GPC6: variants seen among roughly 807,000 people sequenced by gnomAD.
GPC6 encodes the protein glypican 6.
A neutral mutation model predicts 55.2 loss-of-function variants in GPC6; 14 were observed. That is an observed-to-expected ratio of 0.25 (90% CI 0.17 to 0.40). The LOEUF is 0.40. GPC6 is among the 10% of genes least tolerant of loss of function. The pLI, the probability that GPC6 is intolerant of heterozygous loss-of-function variation, is 1.00. For synonymous variants in GPC6, 278 were observed against 259.6 expected (o/e 1.07, Z -0.68); for missense variants, 641 against 708.5 (o/e 0.90, Z 1.08).
At chr13:94,360,950 G>A (rs570442407) in intron 6 of GPC6, among the ~76,000 whole-genome samples, 34 of 152,308 alleles carry the variant, frequency 2.2e-4, no homozygotes, top group African/African-American at 7.5e-4. Flanking sequence ...GTTCTTGTGA[G>A]GTTGTGGTGA....
At chr13:94,019,349 A>G (rs997302288) in intron 3 of GPC6, among the ~76,000 whole-genome samples, 4 of 152,092 alleles carry the variant, frequency 2.6e-5, no homozygotes, top group Non-Finnish European at 5.9e-5. Flanking sequence ...GGTGTATATT[A>G]TATTACCACA....
intron 2 of GPC6, among the ~76,000 whole-genome samples, chr13:93,710,646 C>A (rs1883021283): frequency 6.6e-6 from 1 of 151,404 alleles, no homozygotes; most frequent in Non-Finnish European, 1.5e-5. Context: ...TTTGACTATT[C>A]CTCAGTTTTT....
At chr13:93,616,548 G>T (rs984014729) in intron 2 of GPC6, among the ~76,000 whole-genome samples, 1 of 152,038 alleles carries the variant, frequency 6.6e-6, no homozygotes, top group Non-Finnish European at 1.5e-5. Flanking sequence ...CTCTGGATTT[G>T]CAAGAGTCAA....
rs142514279 is a variant in GPC6, at chr13:93,755,305, G to A, written c.320-74849G>A. 1.2e-4 allele frequency among the ~76,000 whole-genome samples: 19 copies of A among 152,232 alleles called. 1 individual carries two copies. The East Asian group carries it at 3.3e-3, about 26-fold the overall frequency. On this transcript the variant is annotated intron_variant, in intron 2 of 8. Transcript: ENST00000377047. ...GAAGCATCCTCCTTCAGTGATGGCC[G>A]ATGGATTTTACAGGAAATGCTGGAG...
At chr13:94,078,197 C>A (rs181340493) in intron 4 of GPC6, among the ~76,000 whole-genome samples, 1 of 151,764 alleles carries the variant, frequency 6.6e-6, no homozygotes, top group South Asian at 2.1e-4. Flanking sequence ...AAAGGCAAAT[C>A]CAAAAATATC....
chr13:93,947,677 C>CAA, intron 3 of GPC6, among the ~76,000 whole-genome samples: 1 of 152,182 alleles, frequency 6.6e-6, no homozygotes, highest in Non-Finnish European at 1.5e-5. Context: ...GGAATTAACA[C>CAA]TGCTTAGCAT....
intron 4 of GPC6, among the ~76,000 whole-genome samples, chr13:94,077,978 A>C (rs1884975886): frequency 1.3e-5 from 2 of 152,012 alleles, no homozygotes; most frequent in South Asian, 4.1e-4. Context: ...TTCTAAGTGC[A>C]TGCGGAACAT....
chr13:94,267,010 A>G (rs776394325), intron 4 of GPC6, among the ~76,000 whole-genome samples: 1 of 152,192 alleles, frequency 6.6e-6, no homozygotes, highest in Non-Finnish European at 1.5e-5. Flanking sequence ...TATATTTTTT[A>G]TAAAGTTTTA....
chr13:93,394,598 G>C (rs1273484546), intron 1 of GPC6, among the ~76,000 whole-genome samples: 3 of 152,088 alleles, frequency 2.0e-5, no homozygotes, highest in Non-Finnish European at 4.4e-5. Context: ...AAGTTGGTGA[G>C]GCTGATAGGT....
intron 4 of GPC6, among the ~76,000 whole-genome samples, chr13:94,158,943 C>A (rs1888059590): frequency 6.6e-6 from 1 of 152,108 alleles, no homozygotes; most frequent in Admixed American, 6.6e-5. Flanking sequence ...TTAATTCACC[C>A]TACTCTGTTC....
At chr13:93,490,499 C>CTTTTTTTTTTTTTGTTTTTTTTTTTTTTT (rs1295689738) in intron 1 of GPC6, among the ~76,000 whole-genome samples, 1 of 18,328 alleles carries the variant, frequency 5.5e-5, no homozygotes, top group African/African-American at 1.9e-4. Context: ...ATTTTTTTTT[C>CTTTTTTTTTTTTTGTTTTTTTTTTTTTTT]TTTTTTTTTT....
chr13:94,394,790 G>A (rs552535693), intron 7 of GPC6, among the ~76,000 whole-genome samples: 75 of 152,268 alleles, frequency 4.9e-4, no homozygotes, highest in Middle Eastern at 3.4e-3. Context: ...TTGAGGATAC[G>A]GATGCGCTGT....
At chr13:93,518,963 C>T (rs1881308382) in intron 1 of GPC6, among the ~76,000 whole-genome samples, 1 of 151,968 alleles carries the variant, frequency 6.6e-6, no homozygotes, top group Non-Finnish European at 1.5e-5. Flanking sequence ...TTTATTGGAA[C>T]ATAGCCACAC....
At chr13:93,749,342 A>G (rs771671922) in intron 2 of GPC6, among the ~76,000 whole-genome samples, 1 of 151,886 alleles carries the variant, frequency 6.6e-6, no homozygotes, top group Non-Finnish European at 1.5e-5. Flanking sequence ...GATATGGTCA[A>G]TTTTTGGTTT....
chr13:94,352,537 C>A (rs1878603221), intron 6 of GPC6, among the ~76,000 whole-genome samples: 1 of 152,174 alleles, frequency 6.6e-6, no homozygotes, highest in African/African-American at 2.4e-5. Context: ...TTGCTTCAGA[C>A]TAGCTGAGCA....
At chr13:93,954,422 C>T (rs1481314217) in intron 3 of GPC6, among the ~76,000 whole-genome samples, 2 of 152,112 alleles carry the variant, frequency 1.3e-5, no homozygotes, top group African/African-American at 2.4e-5. Flanking sequence ...TCAAGCGATC[C>T]TCCTGACTCA....
intron 3 of GPC6, among the ~76,000 whole-genome samples, chr13:93,892,433 GTAGA>G (rs1490665844): frequency 6.6e-6 from 1 of 152,172 alleles, no homozygotes. Flanking sequence ...CAGGAAAGAA[GTAGA>G]TATTTTGTCA....
At chr13:93,644,804 AAAT>A (rs1334690063) in intron 2 of GPC6, among the ~76,000 whole-genome samples, 5 of 147,708 alleles carry the variant, frequency 3.4e-5, no homozygotes, top group Admixed American at 3.3e-4. Context: ...ATAAATAAAT[AAAT>A]AAATGGTGGC....
chr13:93,524,094 A>G (rs1881555170), intron 1 of GPC6, among the ~76,000 whole-genome samples: 1 of 152,068 alleles, frequency 6.6e-6, no homozygotes, highest in Non-Finnish European at 1.5e-5. Context: ...CTCACTAATA[A>G]GGGCTGTGTG....
Sources: allele counts gnomAD v4.1 joint callset (sites outside exome capture counted in the v4.1 genomes callset), GRCh38; gene constraint gnomAD v4.1.1; transcripts MANE v1.5; gene names NCBI Gene and HGNC (gene_info 2026-07-23, HGNC 2026-07-21).